Variants in NCOA5 observed in about 807,000 individuals in gnomAD.
NCOA5 encodes the protein nuclear receptor coactivator 5.
Under a neutral mutation model 59.0 loss-of-function variants are expected in NCOA5, and 12 were observed. The ratio of observed to expected loss-of-function variants is 0.20; its 90% CI spans 0.13 to 0.33. The LOEUF is 0.33. Ranked by LOEUF, NCOA5 falls within the 10% of genes least tolerant of loss-of-function variation. The pLI, the probability that NCOA5 is intolerant of heterozygous loss-of-function variation, is 1.00. For missense variants in NCOA5, 655 were observed against 766.6 expected (o/e 0.85, Z 1.72); for synonymous variants, 270 against 275.5 (o/e 0.98, Z 0.20).
intron 2 of NCOA5, among the ~76,000 whole-genome samples, chr20:46,073,148 G>A (rs1435088625): frequency 6.6e-6 from 1 of 152,198 alleles, no homozygotes; most frequent in Non-Finnish European, 1.5e-5. Context: ...AGCCTCTCAA[G>A]AGCAGGCAGC....
At position 46,070,289 on chromosome 20, in the gene NCOA5, A is replaced by C. The variant is rs1254619796; in HGVS notation, c.286T>G (p.Ser96Ala). Residue 96 changes from serine (S) to alanine (A), a missense_variant, in exon 3 of 8, where the codon TCT (serine) becomes GCT (alanine). Ser to Ala is a moderately conservative substitution (Grantham distance 99, BLOSUM62 1). Transcript: ENST00000290231. The part of the protein sequence containing the change: ...DLRDFRDLRD[S>A]RDFRDQRDPM... ...TCTCGCTGATCTCGAAAATCCCTAG[A>C]GTCTCTTAGATCACGAAAGTCTCTA... is the stretch of plus-strand genomic sequence containing the variant. 1.2e-6 allele frequency: 2 copies of C among 1,613,870 alleles called. No homozygotes were observed. The highest frequency in any genetic ancestry group is 2.7e-5 in the African/African-American group (2 of 74,926).
intron 1 of NCOA5, among the ~76,000 whole-genome samples, chr20:46,089,607 C>A (rs553558871): frequency 6.6e-6 from 1 of 152,180 alleles, no homozygotes; most frequent in East Asian, 1.9e-4. Flanking sequence ...CCGCCTCGGC[C>A]GGCCGGGCCT....
chr20:46,066,965 G>A lies in NCOA5; in HGVS notation c.629+90C>T, dbSNP rs559559646. The A allele has an allele frequency of 3.5e-6, 5 of 1,440,536 alleles. No homozygotes were observed. In the African/African-American group the frequency reaches 7.1e-5, roughly 20 times the overall value. 89.2% of individuals were successfully genotyped at this position (1,440,536 alleles called of 1,614,324 possible). On this transcript the variant is annotated intron_variant, in intron 5 of 7. Coordinates refer to ENST00000290231, the MANE Select transcript of NCOA5 (RefSeq NM_020967.3). ...GCGCACAGCAATGCAAGAATACACA[G>A]CTCAGATTCAGTGGATAGAGGTGCT...
At chr20:46,084,515 T>C (rs1718504018) in intron 1 of NCOA5, among the ~76,000 whole-genome samples, 1 of 152,206 alleles carries the variant, frequency 6.6e-6, no homozygotes. Flanking sequence ...CTACAGTGTT[T>C]CTGGGGTTTG....
At chr20:46,068,758 G>C in intron 3 of NCOA5, 120 bp from the exon 4 acceptor site, 1 of 890,352 alleles carries the variant, frequency 1.1e-6, no homozygotes, top group Admixed American at 2.7e-5. Flanking sequence ...TGCATTATCA[G>C]CTCTGTGGCT....
intron 2 of NCOA5, among the ~76,000 whole-genome samples, chr20:46,074,972 T>A (rs2084921649): frequency 6.6e-6 from 1 of 152,242 alleles, no homozygotes; most frequent in African/African-American, 2.4e-5. Context: ...AGGGCCAGCC[T>A]CTTTCTGACC....
intron 2 of NCOA5, among the ~76,000 whole-genome samples, chr20:46,073,260 C>A (rs1360764171): frequency 6.6e-6 from 1 of 152,186 alleles, no homozygotes; most frequent in Non-Finnish European, 1.5e-5. Context: ...TACACGGGCA[C>A]AGCAAAAACA....
intron 1 of NCOA5, among the ~76,000 whole-genome samples, chr20:46,086,313 T>G (rs1330161244): frequency 6.6e-6 from 1 of 152,236 alleles, no homozygotes; most frequent in African/African-American, 2.4e-5. Flanking sequence ...TCTTATGAGG[T>G]GAACTATTTC....
At chr20:46,077,812 T>C (rs1169729486) in intron 2 of NCOA5, among the ~76,000 whole-genome samples, 1 of 152,228 alleles carries the variant, frequency 6.6e-6, no homozygotes, top group Non-Finnish European at 1.5e-5. Context: ...CTGTATTCCA[T>C]TCTGTGCTGG....
rs149052876 is a variant in NCOA5, at chr20:46,068,813, C to T, written c.366-175G>A. Among the ~76,000 whole-genome samples, 242 of 152,326 alleles carry T rather than the reference C, an allele frequency of 1.6e-3. 1 individual carries two copies. Among genetic ancestry groups the T allele is most frequent in the African/African-American group, 5.3e-3 (220 of 41,566 alleles). On this transcript the variant is annotated intron_variant, in intron 3 of 7. Transcript: ENST00000290231. ...TCACTGAGATGATGTACAGAAAGCA[C>T]TTAGCATGGTCTTTGGCATATATTA...
chr20:46,067,130 A>G lies in NCOA5; in HGVS notation c.554T>C (p.Phe185Ser). Residue 185 changes from phenylalanine to serine, a missense_variant, in exon 5 of 8, where the codon TTT becomes TCT. By Grantham distance (155) the Phe-to-Ser change is radical. Around this residue, in one of 3 missense-constraint regions of NCOA5, gnomAD observed 80 missense variants for 153.3 expected, o/e 0.52. Transcript: ENST00000290231. ...ATCAAAGCGTCTCTGGATTTCCTCA[A>G]AATATTGACGATAAAGCTCTTCTCT... The part of the protein sequence containing the change: ...RRREELYRQY[F>S]EEIQRRFDAE... 3 of 1,614,148 alleles carry G rather than the reference A, an allele frequency of 1.9e-6. No individual in the cohort carries two copies. Among genetic ancestry groups the G allele is most frequent in the Non-Finnish European group, 2.5e-6 (3 of 1,180,024 alleles).
chr20:46,074,273 G>A (rs1600626191), intron 2 of NCOA5, among the ~76,000 whole-genome samples: 1 of 152,292 alleles, frequency 6.6e-6, no homozygotes. Context: ...TAGTATGCAC[G>A]AATCAAAGTG....
chr20:46,071,866 T>C (rs529980087), intron 2 of NCOA5, among the ~76,000 whole-genome samples: 1 of 152,336 alleles, frequency 6.6e-6, no homozygotes, highest in Non-Finnish European at 1.5e-5. Flanking sequence ...TTTCTATCTG[T>C]ATTACTCATC....
chr20:46,086,399 C>CTTTATGG (rs2085045826), intron 1 of NCOA5, among the ~76,000 whole-genome samples: 1 of 152,112 alleles, frequency 6.6e-6, no homozygotes, highest in South Asian at 2.1e-4. Context: ...GATGACCATT[C>CTTTATGG]CCATAAATAT....
chr20:46,065,923 A>G (rs925839228), intron 5 of NCOA5, among the ~76,000 whole-genome samples: 1 of 152,244 alleles, frequency 6.6e-6, no homozygotes, highest in Non-Finnish European at 1.5e-5. Flanking sequence ...AAGATTAAAA[A>G]TAATTTATGT....
intron 4 of NCOA5, 65 bp downstream of exon 4, chr20:46,068,433 TATTA>T: frequency 6.6e-7 from 1 of 1,519,830 alleles, no homozygotes. Flanking sequence ...GGGTACTGGT[TATTA>T]GTTTCCTCTC....
intron 4 of NCOA5, 135 bp downstream of exon 4, chr20:46,068,367 T>C: frequency 1.2e-6 from 1 of 848,996 alleles, no homozygotes; most frequent in African/African-American, 1.7e-5. Context: ...ATAAGCTACT[T>C]ATATTTCTTC....
rs370603416 is a variant in NCOA5 at position 46,068,580 on chromosome 20, C to T, written c.424G>A (p.Asp142Asn). Residue 142 changes from aspartate to asparagine, a missense_variant, in exon 4 of 8, where the codon GAC becomes AAC. Physicochemically the swap from Asp to Asn is conservative, Grantham distance 23. Coordinates refer to ENST00000290231, the MANE Select transcript of NCOA5 (RefSeq NM_020967.3). ...RMDDYCRRKD[D>N]SYFDRYRDSF... Reference sequence around the variant, plus strand: ...TCTCTGTAACGGTCAAAATAAGAGTCATCCTTTCTCCTGCAATAGTCATCC... The same window carrying T: ...TCTCTGTAACGGTCAAAATAAGAGTTATCCTTTCTCCTGCAATAGTCATCC... The T allele has an allele frequency of 1.7e-5, 28 of 1,613,626 alleles. No homozygotes were observed. The highest frequency in any genetic ancestry group is 2.3e-5 in the Non-Finnish European group (27 of 1,179,842).
chr20:46,077,832 G>A (rs2084953881), intron 2 of NCOA5, among the ~76,000 whole-genome samples: 4 of 152,194 alleles, frequency 2.6e-5, no homozygotes, highest in Non-Finnish European at 5.9e-5. Flanking sequence ...GGACAATAAG[G>A]AGCAACACAG....
Sources: gnomAD v4.1 joint callset for allele counts (sites outside exome capture counted in the v4.1 genomes callset) on GRCh38, gnomAD v4.1.1 for gene constraint, gnomAD v4.1.1 regional missense constraint, MANE v1.5 for transcripts, NCBI Gene and HGNC (gene_info 2026-07-23, HGNC 2026-07-21) for gene names.